The following UNC13C variants were observed in gnomAD, a reference collection of about 807,000 sequenced individuals.
The protein encoded by UNC13C is protein unc-13 homolog C.
A neutral mutation model predicts 245.4 loss-of-function variants in UNC13C; 174 were observed. That is an observed-to-expected ratio of 0.71 (90% confidence interval 0.63 to 0.80). The LOEUF (loss-of-function observed/expected upper bound fraction) is 0.80, where lower values mean the gene tolerates loss of function less well. Among genes scored for constraint, UNC13C ranks in the 30% least tolerant of loss-of-function variants. UNC13C has a pLI of 0.00. For missense variants in UNC13C, 2,829 were observed against 2,602.9 expected, an observed-to-expected ratio of 1.09 and a Z score of -1.89; for synonymous variants, 992 against 895.1, an observed-to-expected ratio of 1.11 and a Z score of -1.93.
intron 18 of UNC13C, among the ~76,000 whole-genome samples, chr15:54,399,715 C>A (rs1046190348): frequency 6.6e-6 from 1 of 151,770 alleles, no homozygotes; most frequent in Non-Finnish European, 1.5e-5. Flanking sequence ...TATTTTTCCC[C>A]TCTCGGGGTT....
At chr15:54,016,983 C>A (rs1292311565) in intron 2 of UNC13C, among the ~76,000 whole-genome samples, 2 of 152,072 alleles carry the variant, frequency 1.3e-5, no homozygotes, top group Non-Finnish European at 2.9e-5. Context: ...CTGTCTTGAC[C>A]AAAGCTGTGA....
chr15:54,516,667 G>T (rs1466170967), intron 24 of UNC13C, among the ~76,000 whole-genome samples: 1 of 152,022 alleles, frequency 6.6e-6, no homozygotes, highest in Non-Finnish European at 1.5e-5. Context: ...AGGCATGGTG[G>T]TGGGCGCCTG....
rs775944937 is a variant in UNC13C at position 54,015,169 on chromosome 15, T to C, written c.2266T>C (p.Leu756=). Residue 756 remains leucine (L), a synonymous_variant, in exon 2 of 33, where the codon TTG becomes CTG. Coordinates refer to ENST00000260323, the MANE Select transcript of UNC13C (RefSeq NM_001080534.3). ...TGAGCTATACCAAAATCAAAACCAG[T>C]TGTCCATGATGTATCGAAGTCAAAG... ...SNELYQNQNQ[L]SMMYRSQSEL... is the part of the protein sequence containing the mutation. The C allele has an allele frequency of 3.7e-6, 6 of 1,612,604 alleles. No homozygotes were observed. The Middle Eastern group carries it at 5.0e-4, about 133-fold the overall frequency.
At chr15:54,051,160 A>G (rs142723322) in intron 2 of UNC13C, among the ~76,000 whole-genome samples, 208 of 152,202 alleles carry the variant, frequency 1.4e-3, no homozygotes, top group Non-Finnish European at 2.4e-3. Context: ...TTGCATCTGT[A>G]TTTTAGACAT....
At chr15:53,973,471 C>A (rs1350648209), upstream of UNC13C, among the ~76,000 whole-genome samples, 1 of 151,788 alleles carries the variant, frequency 6.6e-6, no homozygotes, top group East Asian at 1.9e-4. Context: ...TTACTAAAGT[C>A]AGAAAAATAG....
chr15:54,239,657 GC>G, intron 7 of UNC13C, among the ~76,000 whole-genome samples: 1 of 152,068 alleles, frequency 6.6e-6, no homozygotes, highest in South Asian at 2.1e-4. Flanking sequence ...TCACTCTGTT[GC>G]CCAGGCTGGT....
chr15:54,377,916 T>A (rs776351288), intron 17 of UNC13C, among the ~76,000 whole-genome samples: 1 of 152,208 alleles, frequency 6.6e-6, no homozygotes, highest in African/African-American at 2.4e-5. Flanking sequence ...CATTTTCATA[T>A]CTGTGAACTT....
At chr15:54,098,457 G>A (rs1899994469) in intron 2 of UNC13C, among the ~76,000 whole-genome samples, 3 of 152,158 alleles carry the variant, frequency 2.0e-5, no homozygotes, top group South Asian at 4.1e-4. Context: ...TTATAGGCGT[G>A]AGCTACCCTA....
intron 29 of UNC13C, among the ~76,000 whole-genome samples, chr15:54,566,793 T>C (rs1897534989): frequency 6.6e-6 from 1 of 151,662 alleles, no homozygotes; most frequent in Admixed American, 6.6e-5. Context: ...TCTTAAGGAG[T>C]GGGAAAGAAG....
At chr15:53,867,247 G>T in the UNC13C span, among the ~76,000 whole-genome samples, 1 of 152,130 alleles carries the variant, frequency 6.6e-6, no homozygotes, top group South Asian at 2.1e-4. Flanking sequence ...ATACAAATAT[G>T]CTGGTACAGG....
chr15:54,127,393 A>G (rs550446003), intron 2 of UNC13C, among the ~76,000 whole-genome samples: 82 of 152,272 alleles, frequency 5.4e-4, no homozygotes, highest in African/African-American at 1.9e-3. Flanking sequence ...GGATGAGTTC[A>G]TGACCTTTGC....
chr15:54,522,014 T>C (rs935748180), intron 24 of UNC13C, among the ~76,000 whole-genome samples: 1 of 152,188 alleles, frequency 6.6e-6, no homozygotes, highest in African/African-American at 2.4e-5. Context: ...TACACAGTTA[T>C]AGTAAAGAGC....
chr15:54,622,725 C>A (rs1035408670), intron 31 of UNC13C, among the ~76,000 whole-genome samples: 7 of 152,102 alleles, frequency 4.6e-5, no homozygotes, highest in Non-Finnish European at 7.4e-5. Context: ...AATATTAAGT[C>A]AGTATGTTCT....
At chr15:53,922,129 T>C in the UNC13C span, among the ~76,000 whole-genome samples, 1 of 152,198 alleles carries the variant, frequency 6.6e-6, no homozygotes, top group Non-Finnish European at 1.5e-5. Flanking sequence ...GAATAAGTAG[T>C]GGTATTACTG....
chr15:54,338,009 A>C (rs1050206548), intron 16 of UNC13C, among the ~76,000 whole-genome samples: 1 of 152,142 alleles, frequency 6.6e-6, no homozygotes. Context: ...ACTTAAGCCC[A>C]TGAGGAAAGG....
At chr15:54,173,090 T>C (rs2033478156) in intron 4 of UNC13C, among the ~76,000 whole-genome samples, 1 of 152,044 alleles carries the variant, frequency 6.6e-6, no homozygotes, top group South Asian at 2.1e-4. Context: ...TCACTAATCT[T>C]TGTGATGATG....
chr15:53,899,348 ACAT>A, the UNC13C span, among the ~76,000 whole-genome samples: 1 of 152,250 alleles, frequency 6.6e-6, no homozygotes, highest in African/African-American at 2.4e-5. Context: ...TGTTATAAAC[ACAT>A]CATTTTCCTC....
intron 29 of UNC13C, among the ~76,000 whole-genome samples, chr15:54,558,359 GAGAAAGGACTC>G (rs1487799519): frequency 3.3e-5 from 5 of 152,126 alleles, no homozygotes; most frequent in Non-Finnish European, 7.4e-5. Context: ...TGGCAGAGCT[GAGAAAGGACTC>G]CAAATTCTAA....
At chr15:54,184,795 G>A (rs930887383) in intron 4 of UNC13C, among the ~76,000 whole-genome samples, 7 of 152,144 alleles carry the variant, frequency 4.6e-5, no homozygotes, top group African/African-American at 1.7e-4. Flanking sequence ...TAATGGGATG[G>A]CTGGGTCAAA....
Sources: allele counts gnomAD v4.1 joint callset (sites outside exome capture counted in the v4.1 genomes callset), GRCh38; gene constraint gnomAD v4.1.1; transcripts MANE v1.5; gene names NCBI Gene and HGNC (gene_info 2026-07-23, HGNC 2026-07-21).